The following BBS5 variants were observed in gnomAD, a reference collection of about 807,000 sequenced individuals.
The protein encoded by BBS5 is BBSome complex member BBS5.
BBS5 carries 39 observed loss-of-function variants against 50.2 expected under a neutral mutation model. The ratio of observed to expected loss-of-function variants is 0.78; its 90% CI spans 0.60 to 1.01. The LOEUF is 1.01. BBS5 is among the 50% of genes least tolerant of loss of function. The probability of loss-of-function intolerance (pLI) is 0.00; values close to 1 mark genes in which losing one functional copy is unlikely to be tolerated. For synonymous variants in BBS5, 134 were observed against 133.1 expected, an observed-to-expected ratio of 1.01 and a Z score of -0.05; for missense variants, 356 against 401.5, an observed-to-expected ratio of 0.89 and a Z score of 0.97.
chr2:169,485,270 T>TG (rs34793565), intron 2 of BBS5, among the ~76,000 whole-genome samples: 2 of 152,214 alleles, frequency 1.3e-5, no homozygotes, highest in Non-Finnish European at 2.9e-5. Context: ...AGCTATTATT[T>TG]GGGGAATGTT....
At chr2:169,489,175 G>A (rs575993064) in intron 5 of BBS5, among the ~76,000 whole-genome samples, 7 of 152,080 alleles carry the variant, frequency 4.6e-5, no homozygotes, top group Non-Finnish European at 7.4e-5. Context: ...AAATGTTTTT[G>A]TAGAGCCAGA....
chr2:169,492,797 A>G (rs1683623186), intron 5 of BBS5, 77 bp from the exon 6 acceptor site: 1 of 1,260,584 alleles, frequency 7.9e-7, no homozygotes, highest in Non-Finnish European at 1.1e-6. Context: ...TAACAACTAC[A>G]TATTTTAGTA....
rs551506275 is a variant in BBS5, at chr2:169,488,877, A to G, written c.386+763A>G. On this transcript the variant is annotated intron_variant, in intron 5 of 11. Coordinates refer to ENST00000295240, the MANE Select transcript of BBS5 (RefSeq NM_152384.3). ...CATTCAATATAGCTAAACAAGTTGC[A>G]TAATTAATTAATTTAAAAGGTTATT... Among the ~76,000 whole-genome samples the G allele has an allele frequency of 5.3e-5, 8 of 152,368 alleles. No individual in the cohort carries two copies. In the East Asian group the frequency reaches 9.6e-4, roughly 18 times the overall value.
chr2:169,498,183 T>C (rs1264169684), intron 8 of BBS5, among the ~76,000 whole-genome samples: 1 of 152,210 alleles, frequency 6.6e-6, no homozygotes, highest in Non-Finnish European at 1.5e-5. Flanking sequence ...AGGTCTTATA[T>C]TCTCACACAC....
Position 169,482,289 on chromosome 2 carries a change from G to A in BBS5, c.98G>A (p.Cys33Tyr). ...KTRPGEVLIDCLDSIEDTKGN... is the reference protein window; with the variant it reads ...KTRPGEVLIDYLDSIEDTKGN... ...AGACCTGGAGAAGTCCTTATTGATTGTTTAGATTCCATTGAAGACACCAAA... is the reference window on the plus strand; with the variant it reads ...AGACCTGGAGAAGTCCTTATTGATTATTTAGATTCCATTGAAGACACCAAA... The change falls in exon 2 of 12, where the codon TGT (cysteine) becomes TAT (tyrosine). Residue 33 changes from cysteine (C) to tyrosine (Y), a missense_variant. Coordinates refer to ENST00000295240, the MANE Select transcript of BBS5 (RefSeq NM_152384.3). 1 of 1,610,438 alleles carries A rather than the reference G, an allele frequency of 6.2e-7. No individual in the cohort carries two copies. The highest frequency in any genetic ancestry group is 8.5e-7 in the Non-Finnish European group (1 of 1,176,784).
chr2:169,489,903 T>A (rs1162428385), intron 5 of BBS5, among the ~76,000 whole-genome samples: 4 of 120,434 alleles, frequency 3.3e-5, no homozygotes, highest in Non-Finnish European at 6.6e-5. Context: ...AGAGACAGAG[T>A]CTTGCTCTGT....
At chr2:169,501,674 T>A (rs1683804984) in intron 9 of BBS5, among the ~76,000 whole-genome samples, 1 of 152,050 alleles carries the variant, frequency 6.6e-6, no homozygotes, top group South Asian at 2.1e-4. Context: ...GGTCAGGAGT[T>A]TGAGGCTGCA....
intron 2 of BBS5, among the ~76,000 whole-genome samples, chr2:169,484,927 A>G (rs987034027): frequency 6.6e-6 from 1 of 152,248 alleles, no homozygotes. Context: ...AGGAAAGTCC[A>G]TGTCTGGAAC....
At position 169,499,556 on chromosome 2, in the gene BBS5, A is replaced by G. The variant is rs779916920; in HGVS notation, c.752A>G (p.Asn251Ser). The G allele has an allele frequency of 3.7e-6, 6 of 1,613,716 alleles. No homozygotes were observed. Among genetic ancestry groups the G allele is most frequent in the Admixed American group, 1.7e-5 (1 of 60,024 alleles). ...CTACAAGAATCAGTTAAGGAAATCA[A>G]TTCACTTCACAAAGTCTATTCTGCC... ...EKLQESVKEI[N>S]SLHKVYSASP... Residue 251 changes from asparagine (N) to serine (S), a missense_variant, in exon 9 of 12, where the codon AAT becomes AGT. By Grantham distance (46) the Asn-to-Ser change is conservative. Coordinates refer to ENST00000295240, the MANE Select transcript of BBS5 (RefSeq NM_152384.3).
chr2:169,479,502 G>C lies in BBS5; in HGVS notation c.-52G>C, dbSNP rs548571673. ...CCCGTTGCCTTGGAGCCAGAGAGAC[G>C]CAGCTAGGCCTGCACGGCTGTGGAG... is the stretch of plus-strand genomic sequence containing the variant. On this transcript the variant is annotated 5_prime_UTR_variant, in exon 1 of 12. Transcript: ENST00000295240. The C allele has an allele frequency of 2.5e-6, 4 of 1,603,222 alleles. No individual in the cohort carries two copies. The highest frequency in any genetic ancestry group is 2.2e-5 in the East Asian group (1 of 44,756).
At chr2:169,492,826 A>G (rs1281188133) in intron 5 of BBS5, 48 bp from the exon 6 acceptor site, 2 of 1,557,604 alleles carry the variant, frequency 1.3e-6, no homozygotes, top group East Asian at 4.6e-5. Context: ...TAACCCAAGA[A>G]AATCACATTT....
intron 7 of BBS5, among the ~76,000 whole-genome samples, chr2:169,496,112 C>T (rs1392523327): frequency 6.6e-6 from 1 of 152,214 alleles, no homozygotes; most frequent in Non-Finnish European, 1.5e-5. Flanking sequence ...CCATCATCAC[C>T]TGCCAGATTA....
intron 1 of BBS5, among the ~76,000 whole-genome samples, chr2:169,480,042 G>A (rs917269042): frequency 3.3e-5 from 5 of 152,166 alleles, no homozygotes; most frequent in Non-Finnish European, 7.4e-5. Context: ...CCCACAGTGT[G>A]GGCCCTTGAG....
intron 5 of BBS5, among the ~76,000 whole-genome samples, chr2:169,488,955 G>C (rs533988028): frequency 6.7e-4 from 102 of 152,156 alleles, no homozygotes; most frequent in Admixed American, 2.3e-3. Context: ...AGTTTTATTG[G>C]TGTTTTGGTT....
intron 7 of BBS5, among the ~76,000 whole-genome samples, chr2:169,494,793 G>T (rs1446281441): frequency 6.6e-6 from 1 of 152,052 alleles, no homozygotes; most frequent in Non-Finnish European, 1.5e-5. Context: ...AATCCCATGA[G>T]ATTATCCTAT....
rs775082463 is a variant in BBS5 at position 169,498,502 on chromosome 2, TG to T, written c.681+815del. On this transcript the variant is annotated intron_variant, in intron 8 of 11. Coordinates refer to ENST00000295240, the MANE Select transcript of BBS5 (RefSeq NM_152384.3). ...ATATGACAACTGGATAACCATTTTA[TG>T]GTTAGAAAATTGAGGCTTAGAAAGG... is the stretch of plus-strand genomic sequence containing the variant. 2.6e-5 allele frequency among the ~76,000 whole-genome samples: 4 copies of T among 152,134 alleles called. No individual in the cohort carries two copies. The East Asian group carries it at 7.7e-4, about 29-fold the overall frequency.
intron 5 of BBS5, among the ~76,000 whole-genome samples, chr2:169,488,877 ATAAT>A: frequency 6.6e-6 from 1 of 152,368 alleles, no homozygotes. Context: ...AACAAGTTGC[ATAAT>A]TAATTAATTT....
rs113272430 is a variant in BBS5 at position 169,506,098 on chromosome 2, C to G, written c.*1516C>G. ...TACTGGGAAGTGAGGAGCCCCTCTG[C>G]CCGGCCAGCCGCCCCGTCCAGGAGG... On this transcript the variant is annotated 3_prime_UTR_variant, in exon 12 of 12. Transcript: ENST00000295240. 2.0e-5 allele frequency: 3 copies of G among 148,232 alleles called. No homozygotes were observed. The highest frequency in any genetic ancestry group is 6.7e-5 in the Admixed American group (1 of 14,840). The allele number at this position is 148,232 out of a possible 1,614,324, so 9.2% of individuals were successfully genotyped here.
intron 2 of BBS5, among the ~76,000 whole-genome samples, chr2:169,486,469 A>G (rs1358394192): frequency 6.6e-6 from 1 of 152,202 alleles, no homozygotes; most frequent in Non-Finnish European, 1.5e-5. Context: ...TGAAGTATCT[A>G]ACTTTGTATT....
Sources: gnomAD v4.1 joint callset for allele counts (sites outside exome capture counted in the v4.1 genomes callset) on GRCh38, gnomAD v4.1.1 for gene constraint, MANE v1.5 for transcripts, NCBI Gene and HGNC (gene_info 2026-07-23, HGNC 2026-07-21) for gene names.